The following SLC31A1 variants were observed in gnomAD, a reference collection of about 807,000 sequenced individuals.
SLC31A1 encodes high affinity copper uptake protein 1.
In SLC31A1, 5 loss-of-function variants were observed where a neutral mutation model predicts 17.2. The ratio of observed to expected loss-of-function variants is 0.29; its 90% CI spans 0.15 to 0.61. SLC31A1 has a LOEUF of 0.61. SLC31A1 is among the 20% of genes least tolerant of loss of function. The pLI, the probability that SLC31A1 is intolerant of heterozygous loss-of-function variation, is 0.86. For synonymous variants in SLC31A1, 76 were observed against 78.8 expected (o/e 0.96, Z 0.19); for missense variants, 161 against 241.4 (o/e 0.67, Z 2.21).
chr9:113,253,202 G>T (rs952511850), intron 1 of SLC31A1, among the ~76,000 whole-genome samples: 3 of 152,090 alleles, frequency 2.0e-5, no homozygotes, highest in Non-Finnish European at 4.4e-5. Flanking sequence ...TGATCCGCCT[G>T]CCTCGGCCTC....
At chr9:113,231,857 G>A (rs1267352342) in intron 1 of SLC31A1, among the ~76,000 whole-genome samples, 2 of 152,172 alleles carry the variant, frequency 1.3e-5, no homozygotes, top group Non-Finnish European at 2.9e-5. Flanking sequence ...AGTACTCATA[G>A]TATCTCTGTG....
chr9:113,245,542 C>T (rs954890032), intron 1 of SLC31A1, among the ~76,000 whole-genome samples: 10 of 152,110 alleles, frequency 6.6e-5, no homozygotes, highest in African/African-American at 2.4e-4. Flanking sequence ...AGTCTTCTCC[C>T]TAAATATTTA....
Position 113,264,063 on chromosome 9 carries a change from C to T in SLC31A1, c.*3590C>T, listed in dbSNP as rs1831825130. On this transcript the variant is annotated 3_prime_UTR_variant, in exon 5 of 5. Transcript: ENST00000374212. ...TCTGGGCTGGGCACAGTGGCTCACA[C>T]ACTTTGGGAGGCCAAGCGGGGGTGC... The T allele has an allele frequency of 6.6e-6, 1 of 152,350 alleles. No homozygotes were observed. The highest frequency in any genetic ancestry group is 1.5e-5 in the Non-Finnish European group (1 of 68,158). 9.4% of individuals were successfully genotyped at this position (152,350 alleles called of 1,614,324 possible).
intron 1 of SLC31A1, among the ~76,000 whole-genome samples, chr9:113,231,818 T>G (rs1406126876): frequency 6.6e-6 from 1 of 152,208 alleles, no homozygotes; most frequent in Admixed American, 6.5e-5. Context: ...ATTTTAGATT[T>G]TAAAAACTTG....
At chr9:113,244,006 T>C (rs1167888952) in intron 1 of SLC31A1, among the ~76,000 whole-genome samples, 1 of 151,652 alleles carries the variant, frequency 6.6e-6, no homozygotes, top group Non-Finnish European at 1.5e-5. Context: ...ATACAAAAAA[T>C]TAGCCAGGCG....
At chr9:113,231,894 G>C (rs1435430838) in intron 1 of SLC31A1, among the ~76,000 whole-genome samples, 1 of 152,154 alleles carries the variant, frequency 6.6e-6, no homozygotes, top group Non-Finnish European at 1.5e-5. Context: ...CTCTGGGATA[G>C]GCGATAGCCA....
rs2119016776 is a variant in SLC31A1, at chr9:113,257,483, T to A, written c.202+298T>A. On this transcript the variant is annotated intron_variant, in intron 3 of 4. Transcript: ENST00000374212. ...ATTCTTTTCCAGAGTGTTTAATTTT[T>A]TTTTTTTTTTTTTTTTTTGAGACGG... is the stretch of plus-strand genomic sequence containing the variant. Among the ~76,000 whole-genome samples the A allele has an allele frequency of 2.1e-5, 3 of 143,730 alleles. No homozygotes were observed. In the Middle Eastern group the frequency reaches 0.01, roughly 499 times the overall value. The allele number at this position is 143,730 out of a possible 152,430, so 94.3% of individuals were successfully genotyped here.
chr9:113,249,253 A>G (rs887731733), intron 1 of SLC31A1, among the ~76,000 whole-genome samples: 11 of 151,062 alleles, frequency 7.3e-5, no homozygotes, highest in African/African-American at 2.7e-4. Flanking sequence ...TCCAGTATTG[A>G]ACGATTTTGA....
In SLC31A1 at chr9:113,221,664, A is replaced by T. The variant is rs1003372829; in HGVS notation, c.-50A>T. The T allele has an allele frequency of 9.3e-6, 3 of 321,574 alleles. No homozygotes were observed. The highest frequency in any genetic ancestry group is 1.8e-5 in the Non-Finnish European group (3 of 164,552). 19.9% of individuals were successfully genotyped at this position (321,574 alleles called of 1,614,324 possible). On this transcript the variant is annotated 5_prime_UTR_variant, in exon 1 of 5. Transcript: ENST00000374212. ...CGGAGAGAGAGGTGCTAGTGGCTGGACTTGACCTGGAAAGGTAAGGCTTCT... is the reference window on the plus strand; with the variant it reads ...CGGAGAGAGAGGTGCTAGTGGCTGGTCTTGACCTGGAAAGGTAAGGCTTCT...
intron 1 of SLC31A1, among the ~76,000 whole-genome samples, chr9:113,246,469 A>G (rs531365228): frequency 1.3e-5 from 2 of 151,036 alleles, no homozygotes; most frequent in South Asian, 2.1e-4. Context: ...TTCCTGCCTC[A>G]GCCTCCTGAG....
At chr9:113,242,616 G>A (rs1831534285) in intron 1 of SLC31A1, among the ~76,000 whole-genome samples, 1 of 152,050 alleles carries the variant, frequency 6.6e-6, no homozygotes, top group South Asian at 2.1e-4. Flanking sequence ...TATTTCCCAG[G>A]CTGGTCTCAA....
At chr9:113,252,954 C>CTTTTTTTTT (rs369221979) in intron 1 of SLC31A1, among the ~76,000 whole-genome samples, 2 of 105,546 alleles carry the variant, frequency 1.9e-5, no homozygotes, top group Non-Finnish European at 3.7e-5. Context: ...TTCTTTTTTT[C>CTTTTTTTTT]TTTTTTTTTT....
At chr9:113,256,416 T>G in intron 2 of SLC31A1, 139 bp downstream of exon 2, 1 of 916,356 alleles carries the variant, frequency 1.1e-6, no homozygotes, top group Non-Finnish European at 1.6e-6. Flanking sequence ...CCCAAGCAAG[T>G]CAAGTCATTT....
In SLC31A1 at chr9:113,257,151, A is replaced by G. The variant is rs114287263; in HGVS notation, c.168A>G (p.Leu56=). Reference sequence around the variant, plus strand: ...ACTTTGGCTTTAAGAATGTGGAACTACTGTTTTCCGGTTTGGTGATCAATA... The same window carrying G: ...ACTTTGGCTTTAAGAATGTGGAACTGCTGTTTTCCGGTTTGGTGATCAATA... ...TFYFGFKNVE[L]LFSGLVINTA... The change falls in exon 3 of 5, where the codon CTA becomes CTG. Residue 56 remains leucine (L), a synonymous_variant. Coordinates refer to ENST00000374212, the MANE Select transcript of SLC31A1 (RefSeq NM_001859.4). 4.5e-3 allele frequency: 7,236 copies of G among 1,613,942 alleles called. 215 individuals carry two copies. The South Asian group carries it at 0.061, about 14-fold the overall frequency.
intron 1 of SLC31A1, among the ~76,000 whole-genome samples, chr9:113,250,952 A>C (rs1170257009): frequency 2.6e-5 from 4 of 152,132 alleles, no homozygotes; most frequent in African/African-American, 9.7e-5. Context: ...GCACATGCCC[A>C]CTTGCCTTTC....
At chr9:113,235,339 T>C (rs1831444998) in intron 1 of SLC31A1, among the ~76,000 whole-genome samples, 1 of 152,194 alleles carries the variant, frequency 6.6e-6, no homozygotes, top group Non-Finnish European at 1.5e-5. Context: ...GAGAAGAATG[T>C]GACCAATCTT....
chr9:113,231,150 C>G (rs1831399207), intron 1 of SLC31A1, among the ~76,000 whole-genome samples: 1 of 152,142 alleles, frequency 6.6e-6, no homozygotes, highest in African/African-American at 2.4e-5. Flanking sequence ...TAATTTGGTT[C>G]AGGAAAGGAC....
chr9:113,237,545 G>A (rs935589883), intron 1 of SLC31A1, among the ~76,000 whole-genome samples: 33 of 152,244 alleles, frequency 2.2e-4, no homozygotes, highest in African/African-American at 7.9e-4. Context: ...ATAAAGACAG[G>A]AGATAGTTGG....
rs866373759 is a variant in SLC31A1 at position 113,257,019 on chromosome 9, T to C, written c.130-94T>C. The C allele has an allele frequency of 8.7e-5, 89 of 1,017,582 alleles. No individual in the cohort carries two copies. In the South Asian group the frequency reaches 1.1e-3, roughly 12 times the overall value. The allele number at this position is 1,017,582 out of a possible 1,614,324, so 63.0% of individuals were successfully genotyped here. On this transcript the variant is annotated intron_variant, in intron 2 of 4. Transcript: ENST00000374212. ...ACGTGAATGTCTCTTATTATCCAGA[T>C]CTTCTACTTTTAAATGTTCTAAGCT...
Sources: allele counts gnomAD v4.1 joint callset (sites outside exome capture counted in the v4.1 genomes callset), GRCh38; gene constraint gnomAD v4.1.1; transcripts MANE v1.5; gene names NCBI Gene and HGNC (gene_info 2026-07-23, HGNC 2026-07-21).